Variants in PTK2 observed in about 807,000 individuals in gnomAD.
PTK2 encodes the protein protein tyrosine kinase 2.
Under a neutral mutation model 150.1 loss-of-function variants are expected in PTK2, and 45 were observed. The observed-to-expected ratio is 0.30, with a 90% CI of 0.24 to 0.38. The LOEUF is 0.38. Ranked by LOEUF, PTK2 falls within the 10% of genes least tolerant of loss-of-function variation. The probability of loss-of-function intolerance (pLI) is 1.00; values close to 1 mark genes in which losing one functional copy is unlikely to be tolerated. For synonymous variants in PTK2, 432 were observed against 449.2 expected, an observed-to-expected ratio of 0.96 and a Z score of 0.48; for missense variants, 919 against 1,307.3, an observed-to-expected ratio of 0.70 and a Z score of 4.58.
At chr8:140,782,608 T>C (rs556666322) in intron 14 of PTK2, among the ~76,000 whole-genome samples, 1 of 152,292 alleles carries the variant, frequency 6.6e-6, no homozygotes, top group Non-Finnish European at 1.5e-5. Flanking sequence ...GAACTACTTA[T>C]ATAATAGGTG....
At chr8:140,769,587 T>C (rs2100074419) in intron 14 of PTK2, 3 of 1,362,510 alleles carry the variant, frequency 2.2e-6, no homozygotes, top group South Asian at 1.1e-5. Flanking sequence ...TCCCCACTAA[T>C]TTCATCTGCA....
chr8:140,728,199 C>CAA (rs1299819333), intron 22 of PTK2, among the ~76,000 whole-genome samples: 367 of 77,474 alleles, frequency 4.7e-3, no homozygotes, highest in African/African-American at 0.012. Flanking sequence ...GACTCCGTCT[C>CAA]AAAAAAAAAA....
At chr8:140,908,987 T>C (rs1414085686) in intron 2 of PTK2, 1 of 151,840 alleles carries the variant, frequency 6.6e-6, no homozygotes, top group East Asian at 1.9e-4. Context: ...ATGTCAGGAG[T>C]TTGAGACCAG....
At chr8:140,822,745 G>A (rs1378047588) in intron 8 of PTK2, among the ~76,000 whole-genome samples, 1 of 152,158 alleles carries the variant, frequency 6.6e-6, no homozygotes, top group Non-Finnish European at 1.5e-5. Context: ...AGCATGCACT[G>A]CCTTGTTACC....
intron 25 of PTK2, 58 bp downstream of exon 28, chr8:140,702,512 G>C: frequency 6.3e-7 from 1 of 1,580,130 alleles, no homozygotes. Flanking sequence ...AAGCCACCAT[G>C]CCCAGCTTTG....
Position 140,756,247 on chromosome 8 carries a change from C to T in PTK2, c.1333-3931G>A, listed in dbSNP as rs188557779. Among the ~76,000 whole-genome samples the T allele has an allele frequency of 2.1e-3, 319 of 148,774 alleles. 5 individuals are homozygous for T. Among genetic ancestry groups the T allele is most frequent in the African/African-American group, 7.3e-3 (295 of 40,148 alleles). On this transcript the variant is annotated intron_variant, in intron 16 of 31. Transcript: ENST00000522684. ...CTGAGGCAGGAGAATCGCCTGAACC[C>T]GGGAGGCAGAGGTTGCAGTGATTGG...
chr8:140,753,808 C>T (rs147663377), intron 16 of PTK2, among the ~76,000 whole-genome samples: 3 of 152,266 alleles, frequency 2.0e-5, no homozygotes, highest in Admixed American at 6.5e-5. Context: ...CAGCAAGTAA[C>T]TTGCCTGTTT....
At chr8:140,763,543 GTTTATCTAA>G (rs1322174631) in intron 15 of PTK2, among the ~76,000 whole-genome samples, 1 of 151,820 alleles carries the variant, frequency 6.6e-6, no homozygotes, top group Non-Finnish European at 1.5e-5. Flanking sequence ...AATTTCAAGA[GTTTATCTAA>G]TTCAAGATCT....
chr8:140,764,372 G>T (rs80168945), intron 14 of PTK2, 82 bp from the exon 17 acceptor site: 3 of 1,080,112 alleles, frequency 2.8e-6, no homozygotes, highest in Admixed American at 1.8e-5. Flanking sequence ...TAGGCAAAGC[G>T]ATCTGCTTAA....
chr8:140,659,186 G>T, exon 32 of PTK2: 1 of 456,344 alleles, frequency 2.2e-6, no homozygotes, highest in Non-Finnish European at 3.9e-6. Flanking sequence ...TCTTCATGAT[G>T]CTTAAAAGCT....
intron 7 of PTK2, among the ~76,000 whole-genome samples, chr8:140,837,560 C>G (rs1004226699): frequency 6.6e-6 from 1 of 151,520 alleles, no homozygotes; most frequent in Non-Finnish European, 1.5e-5. Flanking sequence ...GAAACCCCAT[C>G]GCTACTAAAA....
At chr8:140,717,934 G>A (rs1264574011) in intron 22 of PTK2, 2 of 410,166 alleles carry the variant, frequency 4.9e-6, no homozygotes, top group Non-Finnish European at 9.0e-6. Context: ...ACAGCCATAG[G>A]TAAGAAAAAG....
intron 4 of PTK2, 85 bp from the exon 5 acceptor site, chr8:140,864,484 C>G (rs888907729): frequency 1.5e-6 from 1 of 649,710 alleles, no homozygotes; most frequent in Non-Finnish European, 2.6e-6. Context: ...GTGAGTATAG[C>G]ATTCCTAATT....
intron 17 of PTK2, among the ~76,000 whole-genome samples, chr8:140,750,561 G>A (rs1424767790): frequency 6.6e-6 from 1 of 152,196 alleles, no homozygotes; most frequent in African/African-American, 2.4e-5. Flanking sequence ...GTTCTCTATT[G>A]GAGGTAATGT....
At position 140,752,216 on chromosome 8, in the gene PTK2, A is replaced by G. The variant is rs776553192; in HGVS notation, c.1417+16T>C. ...GAAAGTCAAATGGAGTTCCACAGAAATTTCTAGACACTTACAGGCTTCTTG... is the reference window on the plus strand; with the variant it reads ...GAAAGTCAAATGGAGTTCCACAGAAGTTTCTAGACACTTACAGGCTTCTTG... On this transcript the variant is annotated intron_variant, in intron 17 of 31. Coordinates refer to ENST00000522684, the Ensembl canonical transcript of PTK2. 1 of 1,597,904 alleles carries G rather than the reference A, an allele frequency of 6.3e-7. No individual in the cohort carries two copies. Among genetic ancestry groups the G allele is most frequent in the African/African-American group, 1.3e-5 (1 of 74,348 alleles).
At chr8:140,716,239 AATG>A (rs2100039639) in intron 23 of PTK2, among the ~76,000 whole-genome samples, 1 of 152,214 alleles carries the variant, frequency 6.6e-6, no homozygotes, top group Non-Finnish European at 1.5e-5. Context: ...CTGAGAAGTT[AATG>A]ATGAGATTCT....
At chr8:140,675,540 C>T (rs756643636) in intron 27 of PTK2, 41 bp from the exon 31 acceptor site, 10 of 1,487,394 alleles carry the variant, frequency 6.7e-6, no homozygotes, top group Middle Eastern at 1.7e-4. Context: ...CTGGTATATA[C>T]ACTTGGGCAA....
chr8:140,740,516 T>C (rs571633339), intron 20 of PTK2, among the ~76,000 whole-genome samples: 1 of 152,344 alleles, frequency 6.6e-6, no homozygotes, highest in African/African-American at 2.4e-5. Context: ...GAGGAGCATT[T>C]TGAAGAATCT....
chr8:140,756,210 C>A (rs2100065585), intron 16 of PTK2, among the ~76,000 whole-genome samples: 1 of 151,368 alleles, frequency 6.6e-6, no homozygotes, highest in African/African-American at 2.4e-5. Context: ...GTAATCCCAG[C>A]TAGTTGGGAG....
Sources: allele counts gnomAD v4.1 joint callset (sites outside exome capture counted in the v4.1 genomes callset), GRCh38; gene constraint gnomAD v4.1.1; transcripts MANE v1.5; gene names NCBI Gene and HGNC (gene_info 2026-07-23, HGNC 2026-07-21).